Variants in CDK19 observed in about 807,000 individuals in gnomAD.
The protein encoded by CDK19 is cyclin-dependent kinase 19.
A neutral mutation model predicts 68.3 loss-of-function variants in CDK19; 20 were observed. The ratio of observed to expected loss-of-function variants is 0.29; its 90% CI spans 0.21 to 0.43. The LOEUF is 0.43. Ranked by LOEUF, CDK19 falls within the 20% of genes least tolerant of loss-of-function variation. The probability of loss-of-function intolerance (pLI) is 1.00; values close to 1 mark genes in which losing one functional copy is unlikely to be tolerated. For synonymous variants in CDK19, 221 were observed against 222.8 expected (o/e 0.99, Z 0.07); for missense variants, 339 against 623.5 (o/e 0.54, Z 4.86).
At chr6:110,669,694 G>C (rs1770829841) in intron 3 of CDK19, among the ~76,000 whole-genome samples, 1 of 152,148 alleles carries the variant, frequency 6.6e-6, no homozygotes. Context: ...TGCCAGATTT[G>C]AAGTTTGTTA....
At chr6:110,741,298 A>T (rs1309835087) in intron 2 of CDK19, among the ~76,000 whole-genome samples, 3 of 149,826 alleles carry the variant, frequency 2.0e-5, no homozygotes. Context: ...TTTACAAAAA[A>T]TTAAAAAAAA....
At chr6:110,807,581 T>C (rs929955490) in intron 1 of CDK19, among the ~76,000 whole-genome samples, 1 of 152,112 alleles carries the variant, frequency 6.6e-6, no homozygotes, top group African/African-American at 2.4e-5. Context: ...TGCCTTAGCC[T>C]CCCGAGTAGC....
At chr6:110,807,504 G>C (rs958096554) in intron 1 of CDK19, among the ~76,000 whole-genome samples, 1 of 152,110 alleles carries the variant, frequency 6.6e-6, no homozygotes, top group African/African-American at 2.4e-5. Flanking sequence ...CTGTCACCCA[G>C]GCTGGAGTGC....
chr6:110,696,511 GAGAA>G (rs1346991789), intron 2 of CDK19, among the ~76,000 whole-genome samples: 1 of 152,142 alleles, frequency 6.6e-6, no homozygotes, highest in African/African-American at 2.4e-5. Context: ...AATCAGACAA[GAGAA>G]AGAAAGAAAG....
intron 2 of CDK19, among the ~76,000 whole-genome samples, chr6:110,716,898 C>T (rs1775446161): frequency 6.6e-6 from 1 of 152,102 alleles, no homozygotes; most frequent in African/African-American, 2.4e-5. Context: ...CTTTGGGAGG[C>T]CGAGGTGGAC....
At chr6:110,778,909 T>C (rs1366006933) in intron 1 of CDK19, among the ~76,000 whole-genome samples, 1 of 152,018 alleles carries the variant, frequency 6.6e-6, no homozygotes, top group Admixed American at 6.6e-5. Flanking sequence ...ATAAGGGTAA[T>C]GGAAGCTGTG....
chr6:110,759,453 A>G (rs929627106), intron 1 of CDK19, among the ~76,000 whole-genome samples: 1 of 141,212 alleles, frequency 7.1e-6, no homozygotes, highest in African/African-American at 2.7e-5. Flanking sequence ...ATATATATAA[A>G]TTAGCCAGGC....
intron 1 of CDK19, among the ~76,000 whole-genome samples, chr6:110,765,263 A>C (rs1779495877): frequency 6.6e-6 from 1 of 152,122 alleles, no homozygotes; most frequent in Non-Finnish European, 1.5e-5. Flanking sequence ...ACAAAAAATT[A>C]AAAATTTTTG....
chr6:110,766,310 C>T (rs1779580322), intron 1 of CDK19, among the ~76,000 whole-genome samples: 1 of 152,054 alleles, frequency 6.6e-6, no homozygotes, highest in Admixed American at 6.6e-5. Flanking sequence ...CATGGTGGCT[C>T]ACACCTGTAA....
chr6:110,782,363 T>C (rs1383766781), intron 1 of CDK19, among the ~76,000 whole-genome samples: 3 of 152,224 alleles, frequency 2.0e-5, no homozygotes, highest in Non-Finnish European at 4.4e-5. Context: ...CACTGAATCC[T>C]AGCTCCTAAA....
In CDK19 at chr6:110,701,227, C is replaced by T. The variant is rs1409863898; in HGVS notation, c.205-30686G>A. Among the ~76,000 whole-genome samples the T allele has an allele frequency of 2.9e-5, 4 of 140,218 alleles. No individual in the cohort carries two copies. In the Admixed American group the frequency reaches 3.0e-4, roughly 10 times the overall value. 92.0% of individuals were successfully genotyped at this position (140,218 alleles called of 152,430 possible). A position where few individuals can be genotyped will look rare whatever the true frequency, so the allele number is the denominator to read the frequency against. On this transcript the variant is annotated intron_variant, in intron 2 of 12. Transcript: ENST00000368911. Reference sequence around the variant, plus strand: ...TCAAAAAAAATTAATTAATTAATTACCAGTTGTTAAAGAAAAAAGAAAAAG... The same window carrying T: ...TCAAAAAAAATTAATTAATTAATTATCAGTTGTTAAAGAAAAAAGAAAAAG...
intron 3 of CDK19, among the ~76,000 whole-genome samples, chr6:110,668,160 G>A (rs1011435707): frequency 6.6e-6 from 1 of 152,052 alleles, no homozygotes; most frequent in Admixed American, 6.5e-5. Flanking sequence ...TTATATCCAC[G>A]TTATATTGTG....
chr6:110,715,896 C>T (rs1775349078), intron 2 of CDK19, among the ~76,000 whole-genome samples: 1 of 152,138 alleles, frequency 6.6e-6, no homozygotes, highest in Non-Finnish European at 1.5e-5. Flanking sequence ...CAGAAAACAA[C>T]GGAACATCCT....
In CDK19 at chr6:110,792,657, G is replaced by A. The variant is rs191099491; in HGVS notation, c.128+22352C>T. Among the ~76,000 whole-genome samples, 118 of 152,246 alleles carry A rather than the reference G, an allele frequency of 7.8e-4. 2 individuals carry two copies. The highest frequency in any genetic ancestry group is 3.9e-4 in the East Asian group (2 of 5,180). ...CCTGACCTCAGGTGATCCACCCGCC[G>A]CGACAGGCGAGGGATGGACATTCAT... On this transcript the variant is annotated intron_variant, in intron 1 of 12. Coordinates refer to ENST00000368911, the MANE Select transcript of CDK19 (RefSeq NM_015076.5).
intron 1 of CDK19, chr6:110,814,224 G>A (rs1174072995): frequency 7.7e-6 from 2 of 260,340 alleles, no homozygotes; most frequent in Non-Finnish European, 1.5e-5. Context: ...TCTGGCAGAG[G>A]ATGGAGTGGA....
intron 1 of CDK19, among the ~76,000 whole-genome samples, chr6:110,758,306 G>A (rs745367318): frequency 2.6e-5 from 4 of 152,206 alleles, no homozygotes; most frequent in Admixed American, 6.5e-5. Flanking sequence ...AGTGTCAAAT[G>A]TAGAAGCAAG....
At chr6:110,748,842 C>T (rs914617786) in intron 1 of CDK19, among the ~76,000 whole-genome samples, 4 of 152,208 alleles carry the variant, frequency 2.6e-5, no homozygotes, top group African/African-American at 9.6e-5. Context: ...TTAGATGTTT[C>T]AGGCACATGT....
intron 2 of CDK19, among the ~76,000 whole-genome samples, chr6:110,705,562 A>G (rs538489567): frequency 2.0e-5 from 3 of 152,310 alleles, no homozygotes; most frequent in East Asian, 3.9e-4. Context: ...TAAAAACATT[A>G]TAAGCGTCTG....
In CDK19 at chr6:110,654,479, CACAACTTTAT is replaced by C. The variant is rs1488785271; in HGVS notation, c.456+12945_456+12954del. On this transcript the variant is annotated intron_variant, in intron 4 of 12. Transcript: ENST00000368911. Reference sequence around the variant, plus strand: ...TAGAGGGCAGGGAGAGTCATTCTGTCACAACTTTATACGTCTGCTGAGAACTAGGTACATA... The same window carrying C: ...TAGAGGGCAGGGAGAGTCATTCTGTCACGTCTGCTGAGAACTAGGTACATA... Among the ~76,000 whole-genome samples the C allele has an allele frequency of 5.9e-5, 9 of 152,304 alleles. No homozygotes were observed. The South Asian group carries it at 1.7e-3, about 28-fold the overall frequency.
Sources: allele counts gnomAD v4.1 joint callset (sites outside exome capture counted in the v4.1 genomes callset), GRCh38; gene constraint gnomAD v4.1.1; transcripts MANE v1.5; gene names NCBI Gene and HGNC (gene_info 2026-07-23, HGNC 2026-07-21).